XKR7: variants seen among roughly 807,000 people sequenced by gnomAD.
The protein encoded by XKR7 is XK-related protein 7.
A neutral mutation model predicts 42.2 loss-of-function variants in XKR7; 11 were observed. That is an observed-to-expected ratio of 0.26 (90% CI 0.16 to 0.43). The LOEUF is 0.43. Ranked by LOEUF, XKR7 falls within the 20% of genes least tolerant of loss-of-function variation. The pLI is 1.00. For synonymous variants in XKR7, 346 were observed against 366.4 expected (o/e 0.94, Z 0.64); for missense variants, 710 against 802.2 (o/e 0.89, Z 1.39).
At chr20:31,988,438 C>T (rs899571700) in intron 1 of XKR7, among the ~76,000 whole-genome samples, 3 of 152,020 alleles carry the variant, frequency 2.0e-5, no homozygotes, top group African/African-American at 7.2e-5. Flanking sequence ...TTTTTGGGTC[C>T]CTGACAGGAG....
At chr20:31,986,486 C>A (rs2064541026) in intron 1 of XKR7, among the ~76,000 whole-genome samples, 1 of 97,228 alleles carries the variant, frequency 1.0e-5, no homozygotes, top group Admixed American at 1.1e-4. Context: ...ACAGACAGAC[C>A]ACTAAACAGA....
chr20:31,991,553 A>G (rs1257736665), intron 1 of XKR7, among the ~76,000 whole-genome samples: 4 of 152,196 alleles, frequency 2.6e-5, no homozygotes, highest in African/African-American at 7.2e-5. Flanking sequence ...TTTCTAAGCC[A>G]CTGAGCCAAG....
At chr20:31,980,157 G>C (rs2064505438) in intron 1 of XKR7, among the ~76,000 whole-genome samples, 1 of 150,096 alleles carries the variant, frequency 6.7e-6, no homozygotes, top group South Asian at 2.1e-4. Context: ...AAAAAGAGGT[G>C]CTGTGACTCT....
chr20:31,994,979 C>T, intron 1 of XKR7, 89 bp from the exon 2 acceptor site: 3 of 1,510,442 alleles, frequency 2.0e-6, no homozygotes, highest in Non-Finnish European at 2.6e-6. Flanking sequence ...GAGTGACTTG[C>T]CCCCTGCGCC....
At chr20:31,986,295 C>A in intron 1 of XKR7, among the ~76,000 whole-genome samples, 1 of 105,806 alleles carries the variant, frequency 9.5e-6, no homozygotes, top group African/African-American at 3.9e-5. Flanking sequence ...CAAGCAGACC[C>A]AGCATCTGAG....
Position 31,995,191 on chromosome 20 carries a change from C to G in XKR7, c.708C>G (p.Thr236=), listed in dbSNP as rs1014326201. The change falls in exon 2 of 3, where the codon ACC becomes ACG. Residue 236 remains threonine, a synonymous_variant. Coordinates refer to ENST00000562532, the MANE Select transcript of XKR7 (RefSeq NM_001011718.2). This position sits in a 1 kb window ranked among gnomAD's most constrained non-coding sequence, Gnocchi z 4.1. ...ADVSMLRLLE[T]FLRSAPQLVL... ...TGAGCATGCTGCGCTTGCTGGAGAC[C>G]TTCCTGCGCAGCGCGCCGCAGCTAG... 84 of 1,548,522 alleles carry G rather than the reference C, an allele frequency of 5.4e-5. No homozygotes were observed. The highest frequency in any genetic ancestry group is 6.3e-5 in the Non-Finnish European group (72 of 1,146,664).
rs75352671 is a variant in XKR7 at position 31,975,504 on chromosome 20, G to A, written c.584+6745G>A. 4.5e-4 allele frequency among the ~76,000 whole-genome samples: 69 copies of A among 152,198 alleles called. 1 individual carries two copies. The East Asian group carries it at 0.012, about 26-fold the overall frequency. On this transcript the variant is annotated intron_variant, in intron 1 of 2. Transcript: ENST00000562532. ...TGAGCTCAAATGCCACCTCTTCTAA[G>A]AAGCTTTCTCTGAACAAATCCCACA...
chr20:31,985,411 C>G (rs1189423155), intron 1 of XKR7, among the ~76,000 whole-genome samples: 1 of 152,064 alleles, frequency 6.6e-6, no homozygotes, highest in East Asian at 1.9e-4. Flanking sequence ...GAGACACAGA[C>G]AGACAGAGAG....
chr20:32,001,260 T>C lies in XKR7; in HGVS notation c.*3803T>C, dbSNP rs2064623733. The stretch of plus-strand genomic sequence containing the variant: ...TGCAAACTCAAATGCCTCGAGATAA[T>C]GAAACTAAGAGTAATGGAGACAATA... On this transcript the variant is annotated 3_prime_UTR_variant, in exon 3 of 3. Transcript: ENST00000562532. 1 of 152,124 alleles carries C rather than the reference T, an allele frequency of 6.6e-6. No individual in the cohort carries two copies. The highest frequency in any genetic ancestry group is 1.5e-5 in the Non-Finnish European group (1 of 68,048). The allele number at this position is 152,124 out of a possible 1,614,324, so 9.4% of individuals were successfully genotyped here.
intron 1 of XKR7, among the ~76,000 whole-genome samples, chr20:31,974,048 C>G (rs974103354): frequency 6.6e-6 from 1 of 152,254 alleles, no homozygotes; most frequent in Middle Eastern, 3.4e-3. Context: ...CAAAAATTAG[C>G]TGGGCATGGT....
chr20:31,972,576 G>A (rs1011860284), intron 1 of XKR7, among the ~76,000 whole-genome samples: 50 of 152,282 alleles, frequency 3.3e-4, no homozygotes, highest in African/African-American at 1.1e-3. Flanking sequence ...GACCCTGTAG[G>A]CAGCAGAGCA....
intron 1 of XKR7, among the ~76,000 whole-genome samples, chr20:31,985,408 A>G (rs2064533230): frequency 1.3e-5 from 2 of 152,134 alleles, no homozygotes; most frequent in Admixed American, 6.6e-5. Flanking sequence ...TGAGAGACAC[A>G]GACAGACAGA....
At chr20:31,980,832 C>A (rs1190814681) in intron 1 of XKR7, among the ~76,000 whole-genome samples, 1 of 151,364 alleles carries the variant, frequency 6.6e-6, no homozygotes, top group African/African-American at 2.4e-5. Context: ...GAGGCCAAGG[C>A]AGGAGAATTG....
At chr20:31,989,763 G>A (rs536305289) in intron 1 of XKR7, among the ~76,000 whole-genome samples, 6 of 152,264 alleles carry the variant, frequency 3.9e-5, no homozygotes, top group South Asian at 2.1e-4. Context: ...ACAGGCACAC[G>A]CCACCACATC....
At chr20:31,986,783 C>CAAAG (rs1292012992) in intron 1 of XKR7, among the ~76,000 whole-genome samples, 2 of 139,548 alleles carry the variant, frequency 1.4e-5, no homozygotes, top group African/African-American at 5.1e-5. Context: ...GCATCCAAGA[C>CAAAG]ACAGACAGAC....
At chr20:31,970,210 G>A (rs1408210707) in intron 1 of XKR7, 1 of 152,216 alleles carries the variant, frequency 6.6e-6, no homozygotes, top group East Asian at 1.9e-4. Flanking sequence ...TGGACAGATG[G>A]TGAAAGATAT....
chr20:31,972,228 CCCT>C (rs1223074066), intron 1 of XKR7, among the ~76,000 whole-genome samples: 1 of 152,008 alleles, frequency 6.6e-6, no homozygotes, highest in East Asian at 1.9e-4. Context: ...TACTCTGAAA[CCCT>C]CCCCCCTGGT....
Position 31,995,009 on chromosome 20 carries a change from G to A in XKR7, c.585-59G>A. The A allele has an allele frequency of 6.5e-7, 1 of 1,534,598 alleles. No individual in the cohort carries two copies. Among genetic ancestry groups the A allele is most frequent in the Admixed American group, 2.0e-5 (1 of 49,182 alleles). On this transcript the variant is annotated intron_variant, in intron 1 of 2. Coordinates refer to ENST00000562532, the MANE Select transcript of XKR7 (RefSeq NM_001011718.2). The surrounding 1 kb of genome is among the most constrained non-coding windows in gnomAD (Gnocchi z 4.1). ...TGCGCCTGTGGGCGGCTCGGGGCTG[G>A]TGCGACAGAGCGAGAGGAACCAGCG...
chr20:31,968,638 C>T lies in XKR7; in HGVS notation c.463C>T (p.Pro155Ser). 6.3e-7 allele frequency: 1 copy of T among 1,590,152 alleles called. No individual in the cohort carries two copies. The highest frequency in any genetic ancestry group is 8.5e-7 in the Non-Finnish European group (1 of 1,174,480). The change falls in exon 1 of 3, where the codon CCC becomes TCC. Residue 155 changes from proline to serine, a missense_variant. Around this residue, in one of 2 missense-constraint regions of XKR7, gnomAD observed 708 missense variants for 786.2 expected, o/e 0.90. Transcript: ENST00000562532. The surrounding 1 kb of genome is among the most constrained non-coding windows in gnomAD (Gnocchi z 4.5). ...CGCCTTCCGGACCAAAGAAGGCAGCCCCGAGCCGGGTCCCCAGCCTGCGCC... is the reference window on the plus strand; with the variant it reads ...CGCCTTCCGGACCAAAGAAGGCAGCTCCGAGCCGGGTCCCCAGCCTGCGCC... ...AGAFRTKEGS[P>S]EPGPQPAPSS...
Sources: allele counts gnomAD v4.1 joint callset (sites outside exome capture counted in the v4.1 genomes callset), GRCh38; gene constraint gnomAD v4.1.1; regional missense constraint gnomAD v4.1.1; non-coding constraint Gnocchi (gnomAD v3.1); transcripts MANE v1.5; gene names NCBI Gene and HGNC (gene_info 2026-07-23, HGNC 2026-07-21).